Variants in COL17A1 observed in about 807,000 individuals in gnomAD.
The protein encoded by COL17A1 is collagen type XVII alpha 1 chain.
COL17A1 carries 181 observed loss-of-function variants against 218.4 expected under a neutral mutation model. The ratio of observed to expected loss-of-function variants is 0.83; its 90% CI spans 0.73 to 0.94. COL17A1 has a LOEUF of 0.94. COL17A1 is among the 40% of genes least tolerant of loss of function. The pLI, the probability that COL17A1 is intolerant of heterozygous loss-of-function variation, is 0.00. For missense variants in COL17A1, 1,924 were observed against 1,945.9 expected, an observed-to-expected ratio of 0.99 and a Z score of 0.21; for synonymous variants, 721 against 731.0, an observed-to-expected ratio of 0.99 and a Z score of 0.22.
At position 104,035,535 on chromosome 10, in the gene COL17A1, A is replaced by C; in HGVS notation, c.3447T>G (p.Gly1149=). The C allele has an allele frequency of 2.5e-6, 4 of 1,613,874 alleles. No homozygotes were observed. Among genetic ancestry groups the C allele is most frequent in the Non-Finnish European group, 2.5e-6 (3 of 1,179,920 alleles). ...CCGGCAAGCCAGGGGGCCCCGGGGG[A>C]CCAGGAAGCCCAATGCTGATCCCAG... The part of the protein sequence containing the change: ...SSSGISIGLP[G]PPGPPGLPGT... Residue 1149 remains glycine (G), a synonymous_variant, in exon 49 of 56, where the codon GGT becomes GGG. Coordinates refer to ENST00000648076, the MANE Select transcript of COL17A1 (RefSeq NM_000494.4).
chr10:104,058,078 ATC>A, intron 16 of COL17A1, 66 bp downstream of exon 16: 1 of 1,595,188 alleles, frequency 6.3e-7, no homozygotes, highest in Non-Finnish European at 8.6e-7. Flanking sequence ...AGGGACCATC[ATC>A]TGGTCCATTA....
chr10:104,032,328 C>A, intron 55 of COL17A1, 38 bp from the exon 56 acceptor site: 1 of 1,583,698 alleles, frequency 6.3e-7, no homozygotes, highest in Non-Finnish European at 8.7e-7. Flanking sequence ...TAAAACATAT[C>A]TTGTGGCCTG....
intron 5 of COL17A1, among the ~76,000 whole-genome samples, chr10:104,074,534 G>GTGT (rs2086693898): frequency 6.6e-6 from 1 of 152,198 alleles, no homozygotes; most frequent in Non-Finnish European, 1.5e-5. Flanking sequence ...TCCTCCACCG[G>GTGT]CTTGTCCTGT....
At chr10:104,058,511 G>A (rs2134624164) in intron 15 of COL17A1, among the ~76,000 whole-genome samples, 1 of 152,322 alleles carries the variant, frequency 6.6e-6, no homozygotes, top group Middle Eastern at 3.4e-3. Context: ...GTGTGGTTGT[G>A]AGAAATGACT....
Position 104,034,697 on chromosome 10 carries a change from A to G in COL17A1, c.3690T>C (p.Gly1230=). Residue 1230 remains glycine, a synonymous_variant, in exon 51 of 56, where the codon GGT becomes GGC. Coordinates refer to ENST00000648076, the MANE Select transcript of COL17A1 (RefSeq NM_000494.4). ...CATAGGTTGCCAGGGCTCCTGAGAC[A>G]CCCGGGGGCCCTCGAGGCCCTGGGG... ...PGPPGPRGPP[G]VSGALATYAA... The G allele has an allele frequency of 6.2e-7, 1 of 1,609,712 alleles. No individual in the cohort carries two copies. Among genetic ancestry groups the G allele is most frequent in the Non-Finnish European group, 8.5e-7 (1 of 1,178,680 alleles).
intron 2 of COL17A1, among the ~76,000 whole-genome samples, chr10:104,079,910 G>A (rs1333091691): frequency 2.2e-5 from 3 of 137,192 alleles, no homozygotes; most frequent in Admixed American, 7.8e-5. Context: ...CTGGGCAACA[G>A]AGCAAGACTC....
chr10:104,066,704 G>A (rs1363961973), intron 9 of COL17A1, among the ~76,000 whole-genome samples: 1 of 152,190 alleles, frequency 6.6e-6, no homozygotes, highest in Non-Finnish European at 1.5e-5. Flanking sequence ...GAAGGCTGGA[G>A]GAAGAGGAAT....
chr10:104,078,188 A>G (rs895761112), intron 3 of COL17A1, among the ~76,000 whole-genome samples: 1 of 152,174 alleles, frequency 6.6e-6, no homozygotes, highest in Non-Finnish European at 1.5e-5. Flanking sequence ...TCAGATATCC[A>G]ATATTTTAGC....
At chr10:104,042,642 C>T (rs990764461) in intron 35 of COL17A1, among the ~76,000 whole-genome samples, 187 bp from the exon 36 acceptor site, 5 of 152,182 alleles carry the variant, frequency 3.3e-5, no homozygotes, top group African/African-American at 7.2e-5. Context: ...TGACAGGCAC[C>T]GGGACCCCGG....
chr10:104,032,948 G>A lies in COL17A1; in HGVS notation c.4315C>T (p.Pro1439Ser). The A allele has an allele frequency of 6.2e-7, 1 of 1,614,036 alleles. No individual in the cohort carries two copies. The change falls in exon 54 of 56, where the codon CCC becomes TCC. Residue 1439 changes from proline to serine, a missense_variant. Transcript: ENST00000648076. ...CCCATCTCTCCTTTTTGCCCAGGGGGTCCTTGAATGGCTCCATAAGCTGCA... is the reference window on the plus strand; with the variant it reads ...CCCATCTCTCCTTTTTGCCCAGGGGATCCTTGAATGGCTCCATAAGCTGCA... ...FFQTYGAIQGPPGQKGEMGTP... is the reference protein window; with the variant it reads ...FFQTYGAIQGSPGQKGEMGTP...
chr10:104,038,668 C>T (rs1589558469), intron 44 of COL17A1, 140 bp from the exon 45 acceptor site: 3 of 1,090,526 alleles, frequency 2.8e-6, no homozygotes, highest in South Asian at 1.4e-5. Context: ...GAAGGGTCCC[C>T]GAGAAGAGAA....
chr10:104,062,190 T>C, intron 12 of COL17A1, 68 bp downstream of exon 12: 1 of 1,612,574 alleles, frequency 6.2e-7, no homozygotes, highest in Non-Finnish European at 8.5e-7. Flanking sequence ...GGTCTCCTAA[T>C]TCAGTGAGTT....
chr10:104,037,053 A>T lies in COL17A1; in HGVS notation c.3269T>A (p.Val1090Glu), dbSNP rs1445413919. ...SSISSEDILA[V>E]LQRDDVRQYL... is the part of the protein sequence containing the mutation. ...CCCCACAGGTGACTCACGCTGCAGC[A>T]CAGCCAGAATGTCTTCAGAAGAGAT... is the stretch of plus-strand genomic sequence containing the variant. The change falls in exon 47 of 56, where the codon GTG (valine) becomes GAG (glutamate). Residue 1090 changes from valine to glutamate, a missense_variant. Physicochemically the swap from Val to Glu is moderately radical, Grantham distance 121. Transcript: ENST00000648076. 6.2e-7 allele frequency: 1 copy of T among 1,606,050 alleles called. No homozygotes were observed. The highest frequency in any genetic ancestry group is 8.5e-7 in the Non-Finnish European group (1 of 1,177,234).
intron 23 of COL17A1, among the ~76,000 whole-genome samples, chr10:104,052,501 A>G (rs11191908): frequency 0.013 from 1,987 of 152,282 alleles, 23 homozygotes; most frequent in South Asian, 0.035. Flanking sequence ...TCCTGCTCAC[A>G]GTCTGTTAGC....
intron 17 of COL17A1, 63 bp from the exon 18 acceptor site, chr10:104,056,066 C>G (rs1254209276): frequency 1.3e-6 from 2 of 1,586,510 alleles, no homozygotes; most frequent in Admixed American, 1.7e-5. Flanking sequence ...CATACACTCG[C>G]TCCTAGTGGA....
intron 16 of COL17A1, 27 bp from the exon 17 acceptor site, chr10:104,057,199 C>A (rs1478432911): frequency 6.2e-7 from 1 of 1,613,908 alleles, no homozygotes; most frequent in South Asian, 1.1e-5. Flanking sequence ...GAAAATGAAG[C>A]AAATGCAGGC....
rs376367890 is a variant in COL17A1 at position 104,032,671 on chromosome 10, T to G, written c.4438+3A>C. 5.1e-5 allele frequency: 83 copies of G among 1,613,798 alleles called. No individual in the cohort carries two copies. The African/African-American group carries it at 9.7e-4, about 19-fold the overall frequency. ...TGCAAAACGTGGAGCAGTCAACACTTACCTTTGTCTCCTTTTTCTCCCTTG... is the reference window on the plus strand; with the variant it reads ...TGCAAAACGTGGAGCAGTCAACACTGACCTTTGTCTCCTTTTTCTCCCTTG... On this transcript the variant is annotated splice_donor_region_variant and intron_variant, in intron 55 of 55. Transcript: ENST00000648076.
At chr10:104,047,988 T>C (rs1221112901) in intron 30 of COL17A1, 81 bp downstream of exon 30, 3 of 1,545,604 alleles carry the variant, frequency 1.9e-6, no homozygotes, top group Non-Finnish European at 2.7e-6. Flanking sequence ...CTCTGCACTA[T>C]GGTTAAGGGG....
At chr10:104,055,481 C>CACACACACAA (rs1277327700) in intron 18 of COL17A1, 80 bp from the exon 19 acceptor site, 31 of 1,498,018 alleles carry the variant, frequency 2.1e-5, no homozygotes, top group Middle Eastern at 1.7e-4. Context: ...CACACACACA[C>CACACACACAA]AATAAGGGGA....
Sources: gnomAD v4.1 joint callset for allele counts (sites outside exome capture counted in the v4.1 genomes callset) on GRCh38, gnomAD v4.1.1 for gene constraint, MANE v1.5 for transcripts, NCBI Gene and HGNC (gene_info 2026-07-23, HGNC 2026-07-21) for gene names.